Variants in SEC14L5 observed in about 807,000 individuals in gnomAD.
The protein encoded by SEC14L5 is SEC14 like lipid binding 5, also known as SEC14-like protein 5.
Under a neutral mutation model 84.6 loss-of-function variants are expected in SEC14L5, and 96 were observed. That is an observed-to-expected ratio of 1.13 (90% CI 0.96 to 1.34). The LOEUF is 1.34. Among genes scored for constraint, SEC14L5 ranks in the 40% most tolerant of loss-of-function variants. The pLI is 0.00. For synonymous variants in SEC14L5, 546 were observed against 383.4 expected, an observed-to-expected ratio of 1.42 and a Z score of -4.95; for missense variants, 1,224 against 942.5, an observed-to-expected ratio of 1.30 and a Z score of -3.91.
chr16:5,009,234 T>C (rs1955771789), intron 14 of SEC14L5, among the ~76,000 whole-genome samples: 1 of 152,078 alleles, frequency 6.6e-6, no homozygotes. Flanking sequence ...TCTGTCTGTC[T>C]CTCTTCTGAG....
chr16:4,998,151 G>A (rs1238046492), intron 8 of SEC14L5, among the ~76,000 whole-genome samples: 5 of 151,546 alleles, frequency 3.3e-5, no homozygotes, highest in South Asian at 2.1e-4. Flanking sequence ...GACTACAGGC[G>A]TGCACCACCA....
chr16:5,002,298 ATT>A lies in SEC14L5; in HGVS notation c.1131-1087_1131-1086del, dbSNP rs71402579. On this transcript the variant is annotated intron_variant, in intron 10 of 15. Coordinates refer to ENST00000251170, the MANE Select transcript of SEC14L5 (RefSeq NM_014692.2). ...ATTAAAGTTCCTTTGCTGTTTGCAG[ATT>A]TTTTTTTTTTTTTTTTGACAGAGTC... Among the ~76,000 whole-genome samples, 288 of 133,702 alleles carry A rather than the reference ATT, an allele frequency of 2.2e-3. 2 individuals carry two copies. In the East Asian group the frequency reaches 0.027, roughly 12 times the overall value. The allele number at this position is 133,702 out of a possible 152,430, so 87.7% of individuals were successfully genotyped here. A position where few individuals can be genotyped will look rare whatever the true frequency, so the allele number is the denominator to read the frequency against.
chr16:4,958,937 A>C (rs1356371679), intron 1 of SEC14L5, among the ~76,000 whole-genome samples: 2 of 151,906 alleles, frequency 1.3e-5, no homozygotes, highest in Non-Finnish European at 2.9e-5. Context: ...GCATGCGTGA[A>C]TAGAACCGTG....
intron 2 of SEC14L5, among the ~76,000 whole-genome samples, chr16:4,970,984 T>C (rs1467753164): frequency 6.6e-6 from 1 of 151,840 alleles, no homozygotes; most frequent in Admixed American, 6.6e-5. Flanking sequence ...GGTATGTGCC[T>C]GTAGTCCCAG....
At chr16:4,960,141 A>G (rs1354642957) in intron 2 of SEC14L5, among the ~76,000 whole-genome samples, 1 of 152,186 alleles carries the variant, frequency 6.6e-6, no homozygotes, top group African/African-American at 2.4e-5. Context: ...CAGAAGCTGG[A>G]CATAGGTGGA....
chr16:4,977,593 T>A (rs1015417752), intron 2 of SEC14L5, among the ~76,000 whole-genome samples: 1 of 151,878 alleles, frequency 6.6e-6, no homozygotes, highest in Non-Finnish European at 1.5e-5. Flanking sequence ...TGAGCTCATG[T>A]ATATGTAAAT....
In SEC14L5 at chr16:5,000,777, C is replaced by T. The variant is rs777449720; in HGVS notation, c.1059+34C>T. 3.9e-6 allele frequency: 6 copies of T among 1,557,538 alleles called. No homozygotes were observed. The Admixed American group carries it at 7.8e-5, about 20-fold the overall frequency. Reference sequence around the variant, plus strand: ...GGGGCCTCGTTCCTGGACGCCGTGCCTGGGGCCGGGCCTGGGAAGGACTGT... The same window carrying T: ...GGGGCCTCGTTCCTGGACGCCGTGCTTGGGGCCGGGCCTGGGAAGGACTGT... On this transcript the variant is annotated intron_variant, in intron 9 of 15. Transcript: ENST00000251170.
rs369915599 is a variant in SEC14L5, at chr16:4,991,919, G to T, written c.556G>T (p.Val186Phe). 46 of 1,607,016 alleles carry T rather than the reference G, an allele frequency of 2.9e-5. No homozygotes were observed. The African/African-American group carries it at 5.6e-4, about 20-fold the overall frequency. Reference protein sequence around the residue: ...SHIPRWTPAPVREEDARNQAG... With the variant: ...SHIPRWTPAPFREEDARNQAG... ...CATTCCGCGCTGGACGCCTGCCCCA[G>T]TCCGTGAGGAGGATGCCCGCAACCA... The change falls in exon 6 of 16, where the codon GTC becomes TTC. Residue 186 changes from valine (V) to phenylalanine (F), a missense_variant. Physicochemically the swap from Val to Phe is conservative, Grantham distance 50. Transcript: ENST00000251170.
chr16:4,969,713 A>T (rs567531031), intron 2 of SEC14L5, among the ~76,000 whole-genome samples: 1 of 151,246 alleles, frequency 6.6e-6, no homozygotes, highest in South Asian at 2.1e-4. Flanking sequence ...ATGCATTGTT[A>T]TTCTGTTCAT....
intron 2 of SEC14L5, among the ~76,000 whole-genome samples, chr16:4,972,966 G>A (rs962523403): frequency 4.6e-5 from 7 of 152,214 alleles, no homozygotes; most frequent in Non-Finnish European, 1.0e-4. Flanking sequence ...TCCTGTAAAT[G>A]TCTATTGAGT....
At position 5,006,013 on chromosome 16, in the gene SEC14L5, G is replaced by A. The variant is rs375566847; in HGVS notation, c.1402G>A (p.Glu468Lys). The change falls in exon 12 of 16, where the codon GAA (glutamate) becomes AAA (lysine). Residue 468 changes from glutamate to lysine, a missense_variant. Physicochemically the swap from Glu to Lys is moderately conservative, Grantham distance 56. Coordinates refer to ENST00000251170, the MANE Select transcript of SEC14L5 (RefSeq NM_014692.2). ...AGGCCTTGTGGACTATCTGGATAGA[G>A]AAGTGATCCCTGACTTCCTTGGGGG... ...PGGLVDYLDR[E>K]VIPDFLGGES... 10 of 1,613,850 alleles carry A rather than the reference G, an allele frequency of 6.2e-6. No homozygotes were observed. The highest frequency in any genetic ancestry group is 8.5e-6 in the Non-Finnish European group (10 of 1,179,852).
Position 4,996,387 on chromosome 16 carries a change from G to A in SEC14L5, c.707G>A (p.Gly236Asp), listed in dbSNP as rs961539113. ...GCGGACTACATTGAGAGGTGCCTGG[G>A]CCACCTCACGCCCATGCAGGAGAGC... ...LDADYIERCL[G>D]HLTPMQESCL... is the part of the protein sequence containing the mutation. Residue 236 changes from glycine to aspartate, a missense_variant, in exon 7 of 16, where the codon GGC becomes GAC. By Grantham distance (94) the Gly-to-Asp change is moderately conservative. Transcript: ENST00000251170. 2 of 1,567,792 alleles carry A rather than the reference G, an allele frequency of 1.3e-6. No individual in the cohort carries two copies. Among genetic ancestry groups the A allele is most frequent in the Non-Finnish European group, 1.7e-6 (2 of 1,157,196 alleles).
intron 15 of SEC14L5, among the ~76,000 whole-genome samples, chr16:5,014,173 G>GCCA (rs1326711921): frequency 6.6e-6 from 1 of 152,218 alleles, no homozygotes; most frequent in Non-Finnish European, 1.5e-5. Flanking sequence ...AGTCGCATGG[G>GCCA]CCACATTTCA....
rs768651265 is a variant in SEC14L5 at position 5,007,415 on chromosome 16, C to A, written c.1501C>A (p.His501Asn). ...CTACATGACAGAAGAGGAGCAGGAG[C>A]ACACGGACCAGCTGTGGCAGTGGAG... ...SLYMTEEEQE[H>N]TDQLWQWSET... Residue 501 changes from histidine (H) to asparagine (N), a missense_variant, in exon 13 of 16, where the codon CAC becomes AAC. By Grantham distance (68) the His-to-Asn change is moderately conservative. Coordinates refer to ENST00000251170, the MANE Select transcript of SEC14L5 (RefSeq NM_014692.2). The A allele has an allele frequency of 6.2e-7, 1 of 1,613,820 alleles. No homozygotes were observed.
chr16:4,960,633 G>C (rs1264824855), intron 2 of SEC14L5: 2 of 152,192 alleles, frequency 1.3e-5, no homozygotes, highest in Middle Eastern at 3.2e-3. Context: ...TCATATTCTA[G>C]CTCCCCAATT....
rs1169040680 is a variant in SEC14L5, at chr16:5,017,683, C to T, written c.*2713C>T. ...CAGCAGGATTGGGGAGGGCCATTCCCCCAATGGACAAGAGAAGCTGGACCA... is the reference window on the plus strand; with the variant it reads ...CAGCAGGATTGGGGAGGGCCATTCCTCCAATGGACAAGAGAAGCTGGACCA... On this transcript the variant is annotated 3_prime_UTR_variant, in exon 16 of 16. Transcript: ENST00000251170. 1.3e-5 allele frequency: 2 copies of T among 152,350 alleles called. No homozygotes were observed. The highest frequency in any genetic ancestry group is 1.5e-5 in the Non-Finnish European group (1 of 68,058). 9.4% of individuals were successfully genotyped at this position (152,350 alleles called of 1,614,324 possible).
intron 2 of SEC14L5, among the ~76,000 whole-genome samples, chr16:4,973,597 C>T (rs529703082): frequency 6.6e-6 from 1 of 152,054 alleles, no homozygotes; most frequent in African/African-American, 2.4e-5. Context: ...CGATGCAACA[C>T]AGATGGGCTG....
chr16:5,008,511 A>C lies in SEC14L5; in HGVS notation c.1663A>C (p.Lys555Gln), dbSNP rs1386245418. 1 of 1,611,140 alleles carries C rather than the reference A, an allele frequency of 6.2e-7. No individual in the cohort carries two copies. The highest frequency in any genetic ancestry group is 1.1e-5 in the South Asian group (1 of 90,704). The change falls in exon 14 of 16, where the codon AAG (lysine) becomes CAG (glutamine). Residue 555 changes from lysine to glutamine, a missense_variant. Lys to Gln is a moderately conservative substitution (Grantham distance 53). Transcript: ENST00000251170. ...CGTGGTGTTCAGCCTGTACCACACC[A>C]AGCAGGCGCCCAGGCTGGGCGCCCG... ...GDVVFSLYHT[K>Q]QAPRLGAREP... is the part of the protein sequence containing the mutation.
In SEC14L5 at chr16:4,996,413, T is replaced by G; in HGVS notation, c.733T>G (p.Cys245Gly). The G allele has an allele frequency of 1.3e-6, 2 of 1,574,548 alleles. No individual in the cohort carries two copies. The highest frequency in any genetic ancestry group is 1.7e-6 in the Non-Finnish European group (2 of 1,160,912). Residue 245 changes from cysteine (C) to glycine (G), a missense_variant, in exon 7 of 16, where the codon TGC becomes GGC. Cys to Gly is a radical substitution (Grantham distance 159). Coordinates refer to ENST00000251170, the MANE Select transcript of SEC14L5 (RefSeq NM_014692.2). ...CCACCTCACGCCCATGCAGGAGAGCTGCCTGATCCAGCTTCGGCACTGGTT... is the reference window on the plus strand; with the variant it reads ...CCACCTCACGCCCATGCAGGAGAGCGGCCTGATCCAGCTTCGGCACTGGTT... ...LGHLTPMQES[C>G]LIQLRHWLQE...
Sources: gnomAD v4.1 joint callset for allele counts (sites outside exome capture counted in the v4.1 genomes callset) on GRCh38, gnomAD v4.1.1 for gene constraint, MANE v1.5 for transcripts, NCBI Gene and HGNC (gene_info 2026-07-23, HGNC 2026-07-21) for gene names.